The following ZFHX3 variants were observed in gnomAD, a reference collection of about 807,000 sequenced individuals.
ZFHX3 encodes zinc finger homeobox protein 3.
In ZFHX3, 42 loss-of-function variants were observed where a neutral mutation model predicts 279.1. The ratio of observed to expected loss-of-function variants is 0.15; its 90% confidence interval spans 0.12 to 0.19. The LOEUF (loss-of-function observed/expected upper bound fraction) is 0.19, where lower values mean the gene tolerates loss of function less well. Ranked by LOEUF, ZFHX3 falls within the 10% of genes least tolerant of loss-of-function variation. The probability of loss-of-function intolerance (pLI) is 1.00; values close to 1 mark genes in which losing one functional copy is unlikely to be tolerated. For missense variants in ZFHX3, 4,981 were observed against 4,754.0 expected (o/e 1.05, Z -1.40); for synonymous variants, 2,293 against 1,957.8 (o/e 1.17, Z -4.52).
chr16:73,760,200 A>C, intron 1 of ZFHX3, among the ~76,000 whole-genome samples: 1 of 152,296 alleles, frequency 6.6e-6, no homozygotes, highest in East Asian at 1.9e-4. Flanking sequence ...GAAATGGATA[A>C]ATTCCTGGAC....
chr16:72,953,142 C>A (rs118133301), intron 2 of ZFHX3, among the ~76,000 whole-genome samples: 1 of 152,270 alleles, frequency 6.6e-6, no homozygotes, highest in African/African-American at 2.4e-5. Context: ...TTGAAGCTCA[C>A]GGACAGTCTA....
chr16:73,690,936 C>G (rs1308337766), intron 1 of ZFHX3, among the ~76,000 whole-genome samples: 3 of 152,168 alleles, frequency 2.0e-5, no homozygotes, highest in Non-Finnish European at 2.9e-5. Flanking sequence ...TTTTGAGCCT[C>G]TATGGTTTGG....
intron 1 of ZFHX3, among the ~76,000 whole-genome samples, chr16:73,844,614 G>A (rs1201198776): frequency 6.6e-6 from 1 of 152,008 alleles, no homozygotes; most frequent in Non-Finnish European, 1.5e-5. Flanking sequence ...GGGAGGGATG[G>A]GGGGATGGGA....
chr16:73,573,433 T>G (rs1368295787), intron 2 of ZFHX3, among the ~76,000 whole-genome samples: 8 of 152,130 alleles, frequency 5.3e-5, no homozygotes, highest in Non-Finnish European at 1.0e-4. Flanking sequence ...CCCCCAGCCC[T>G]TCACAGGAAA....
At chr16:73,670,564 G>A (rs537553275) in intron 2 of ZFHX3, among the ~76,000 whole-genome samples, 2 of 152,260 alleles carry the variant, frequency 1.3e-5, no homozygotes, top group Admixed American at 6.5e-5. Flanking sequence ...AAGATTATCA[G>A]TAAGACCTTG....
At chr16:73,250,371 T>A (rs2144955229) in intron 5 of ZFHX3, among the ~76,000 whole-genome samples, 1 of 152,330 alleles carries the variant, frequency 6.6e-6, no homozygotes, top group African/African-American at 2.4e-5. Context: ...GCCGTTCAGT[T>A]TTTGTGGATG....
chr16:72,796,232 G>A lies in ZFHX3; in HGVS notation c.6450C>T (p.Thr2150=), dbSNP rs1310032585. ...CTCGGAGCTGATCATCTGTGATCCTGGTGCGAGGCCTCTTGTTCTGCTGCT... is the reference window on the plus strand; with the variant it reads ...CTCGGAGCTGATCATCTGTGATCCTAGTGCGAGGCCTCTTGTTCTGCTGCT... ...LLQQQNKRPR[T]RITDDQLRVL... Residue 2150 remains threonine (T), a synonymous_variant, in exon 9 of 10, where the codon ACC becomes ACT. Coordinates refer to ENST00000268489, the MANE Select transcript of ZFHX3 (RefSeq NM_006885.4). 2 of 1,613,988 alleles carry A rather than the reference G, an allele frequency of 1.2e-6. No individual in the cohort carries two copies. The highest frequency in any genetic ancestry group is 1.7e-6 in the Non-Finnish European group (2 of 1,180,034).
chr16:73,289,176 A>T (rs1365227129), intron 4 of ZFHX3, among the ~76,000 whole-genome samples: 1 of 151,698 alleles, frequency 6.6e-6, no homozygotes, highest in Non-Finnish European at 1.5e-5. Flanking sequence ...TTGAAATGCA[A>T]TATTTAAAAA....
chr16:73,110,733 T>C (rs1285256754), intron 7 of ZFHX3, among the ~76,000 whole-genome samples: 1 of 152,006 alleles, frequency 6.6e-6, no homozygotes, highest in African/African-American at 2.4e-5. Flanking sequence ...CCAGCTAATT[T>C]TTTAATTTTT....
intron 2 of ZFHX3, among the ~76,000 whole-genome samples, chr16:73,548,892 T>A (rs1298736975): frequency 6.6e-6 from 1 of 152,186 alleles, no homozygotes; most frequent in African/African-American, 2.4e-5. Context: ...CTTTTCCCAT[T>A]GATTTACTTT....
chr16:73,286,635 A>G (rs1188201754), intron 4 of ZFHX3, among the ~76,000 whole-genome samples: 2 of 121,368 alleles, frequency 1.6e-5, no homozygotes, highest in African/African-American at 6.4e-5. Context: ...GTCTGTGTGT[A>G]GCTGTGTGGG....
At chr16:72,945,742 T>A (rs1960634595) in intron 3 of ZFHX3, among the ~76,000 whole-genome samples, 1 of 152,052 alleles carries the variant, frequency 6.6e-6, no homozygotes, top group Non-Finnish European at 1.5e-5. Flanking sequence ...GCAAACCATA[T>A]GACACTTTCA....
chr16:73,577,912 A>G (rs867245598), intron 2 of ZFHX3, among the ~76,000 whole-genome samples: 4 of 152,230 alleles, frequency 2.6e-5, no homozygotes, highest in Admixed American at 1.3e-4. Flanking sequence ...CCCATTCCAA[A>G]TTAGGCTACA....
chr16:73,172,367 C>T (rs1157920674), intron 5 of ZFHX3, among the ~76,000 whole-genome samples: 3 of 152,242 alleles, frequency 2.0e-5, no homozygotes, highest in African/African-American at 7.2e-5. Flanking sequence ...AGATCCGTCT[C>T]CTTTGACAGA....
At chr16:73,352,932 A>T (rs1192755391) in intron 3 of ZFHX3, among the ~76,000 whole-genome samples, 1 of 152,118 alleles carries the variant, frequency 6.6e-6, no homozygotes, top group Non-Finnish European at 1.5e-5. Flanking sequence ...TGGGGTCCCA[A>T]GCCTGTGTGT....
chr16:73,724,043 G>C (rs749441644), intron 1 of ZFHX3, among the ~76,000 whole-genome samples: 2 of 152,200 alleles, frequency 1.3e-5, no homozygotes, highest in Non-Finnish European at 2.9e-5. Context: ...AAAGCACAAC[G>C]ATTCCTCTTA....
intron 1 of ZFHX3, among the ~76,000 whole-genome samples, chr16:72,983,750 T>C (rs926725177): frequency 1.3e-5 from 2 of 151,418 alleles, no homozygotes; most frequent in Non-Finnish European, 2.9e-5. Flanking sequence ...GCTTAAGCCA[T>C]TGCTCCATGC....
At chr16:73,821,115 A>C (rs964766656) in intron 1 of ZFHX3, among the ~76,000 whole-genome samples, 21 of 152,192 alleles carry the variant, frequency 1.4e-4, no homozygotes, top group African/African-American at 3.6e-4. Context: ...TAAAGCGTTA[A>C]TTTTACCACT....
intron 2 of ZFHX3, among the ~76,000 whole-genome samples, chr16:73,573,188 G>A (rs908254494): frequency 3.3e-5 from 5 of 152,158 alleles, no homozygotes; most frequent in East Asian, 1.9e-4. Context: ...TTAACCTGCC[G>A]CAGGCGCCCC....
Sources: allele counts gnomAD v4.1 joint callset (sites outside exome capture counted in the v4.1 genomes callset), GRCh38; gene constraint gnomAD v4.1.1; transcripts MANE v1.5; gene names NCBI Gene and HGNC (gene_info 2026-07-23, HGNC 2026-07-21).